SH3GL3: variants seen among roughly 807,000 people sequenced by gnomAD.
The protein encoded by SH3GL3 is SH3 domain containing GRB2 like 3, endophilin A3, also known as endophilin-A3.
In SH3GL3, 33 loss-of-function variants were observed where a neutral mutation model predicts 47.7. That is an observed-to-expected ratio of 0.69 (90% CI 0.52 to 0.92). SH3GL3 has a LOEUF of 0.92. Ranked by LOEUF, SH3GL3 falls within the 40% of genes least tolerant of loss-of-function variation. The probability of loss-of-function intolerance (pLI) is 0.00; values close to 1 mark genes in which losing one functional copy is unlikely to be tolerated. For synonymous variants in SH3GL3, 155 were observed against 148.8 expected, an observed-to-expected ratio of 1.04 and a Z score of -0.30; for missense variants, 363 against 417.8, an observed-to-expected ratio of 0.87 and a Z score of 1.14.
chr15:83,616,841 TGAAAA>T (rs569450544), intron 8 of SH3GL3, among the ~76,000 whole-genome samples: 59 of 149,814 alleles, frequency 3.9e-4, no homozygotes, highest in East Asian at 2.2e-3. Flanking sequence ...AAAGAAGAGA[TGAAAA>T]GAAGAGAAGG....
At chr15:83,496,725 G>A (rs901078162) in intron 1 of SH3GL3, among the ~76,000 whole-genome samples, 2 of 152,184 alleles carry the variant, frequency 1.3e-5, no homozygotes, top group Non-Finnish European at 2.9e-5. Context: ...TGTAGTAGCT[G>A]GCATCATGGC....
chr15:83,460,641 G>A (rs1465082160), intron 1 of SH3GL3, among the ~76,000 whole-genome samples: 5 of 152,170 alleles, frequency 3.3e-5, no homozygotes, highest in African/African-American at 9.7e-5. Flanking sequence ...TAGAAAAACT[G>A]CATCATCTTT....
At chr15:83,560,078 T>A (rs1415786173) in intron 2 of SH3GL3, among the ~76,000 whole-genome samples, 1 of 152,198 alleles carries the variant, frequency 6.6e-6, no homozygotes, top group Non-Finnish European at 1.5e-5. Context: ...TTGCTCATTG[T>A]CTGGGCCCTT....
At chr15:83,568,133 C>T (rs543371993) in intron 3 of SH3GL3, among the ~76,000 whole-genome samples, 1 of 151,932 alleles carries the variant, frequency 6.6e-6, no homozygotes, top group Non-Finnish European at 1.5e-5. Flanking sequence ...CAGGCATGTG[C>T]CACCACGCCC....
At chr15:83,604,320 G>A (rs1217452102) in intron 8 of SH3GL3, among the ~76,000 whole-genome samples, 1 of 152,118 alleles carries the variant, frequency 6.6e-6, no homozygotes, top group Non-Finnish European at 1.5e-5. Flanking sequence ...GCTTGCACCC[G>A]AGTAGTTCTT....
intron 1 of SH3GL3, among the ~76,000 whole-genome samples, chr15:83,482,753 G>C (rs1377167881): frequency 6.6e-6 from 1 of 151,976 alleles, no homozygotes; most frequent in Non-Finnish European, 1.5e-5. Flanking sequence ...CAGCTTCCCA[G>C]AGTGCTGGAA....
Position 83,505,757 on chromosome 15 carries a change from T to A in SH3GL3, c.46-53496T>A, listed in dbSNP as rs1250755802. Among the ~76,000 whole-genome samples, 4 of 152,206 alleles carry A rather than the reference T, an allele frequency of 2.6e-5. 1 individual carries two copies. The highest frequency in any genetic ancestry group is 4.4e-5 in the Non-Finnish European group (3 of 68,032). On this transcript the variant is annotated intron_variant, in intron 1 of 8. Coordinates refer to ENST00000427482, the MANE Select transcript of SH3GL3 (RefSeq NM_003027.5). Reference sequence around the variant, plus strand: ...GTTGGCGAGGCTGGTCACGAACTCCTGACCTCAGGTGATCTGCCTGCCTTG... The same window carrying A: ...GTTGGCGAGGCTGGTCACGAACTCCAGACCTCAGGTGATCTGCCTGCCTTG...
At chr15:83,543,547 A>G (rs562878975) in intron 1 of SH3GL3, among the ~76,000 whole-genome samples, 12 of 151,894 alleles carry the variant, frequency 7.9e-5, no homozygotes, top group East Asian at 1.9e-4. Flanking sequence ...CTCCTCCTCT[A>G]TTTTTTAGTA....
intron 1 of SH3GL3, among the ~76,000 whole-genome samples, chr15:83,516,726 C>A (rs2042993304): frequency 6.6e-6 from 1 of 152,092 alleles, no homozygotes; most frequent in African/African-American, 2.4e-5. Context: ...TCAAACACCT[C>A]CCACCAGGCC....
intron 6 of SH3GL3, among the ~76,000 whole-genome samples, chr15:83,583,832 G>A (rs977676218): frequency 1.3e-5 from 2 of 152,054 alleles, no homozygotes; most frequent in African/African-American, 4.8e-5. Context: ...CAACAATGAA[G>A]TCCCCAGGCC....
chr15:83,571,463 T>C (rs1378084952), intron 4 of SH3GL3, among the ~76,000 whole-genome samples: 2 of 152,142 alleles, frequency 1.3e-5, no homozygotes, highest in African/African-American at 4.8e-5. Context: ...GCTAAGGAAA[T>C]GTAGCTTCCA....
At chr15:83,594,099 A>G (rs1040738909) in intron 8 of SH3GL3, among the ~76,000 whole-genome samples, 1 of 152,228 alleles carries the variant, frequency 6.6e-6, no homozygotes, top group African/African-American at 2.4e-5. Context: ...GATTACAGGC[A>G]TGAGCCACTA....
chr15:83,487,857 ATTTTC>A (rs1567263488), intron 1 of SH3GL3, among the ~76,000 whole-genome samples: 1 of 141,052 alleles, frequency 7.1e-6, no homozygotes, highest in Non-Finnish European at 1.6e-5. Flanking sequence ...TCTTTTTTTA[ATTTTC>A]TTTTCTTTTT....
intron 2 of SH3GL3, among the ~76,000 whole-genome samples, chr15:83,564,239 CA>C (rs973673455): frequency 6.6e-6 from 1 of 150,934 alleles, no homozygotes. Context: ...CAAATTTTAA[CA>C]AAAAAAAGAA....
At chr15:83,623,250 A>AC (rs1290844304), downstream of SH3GL3, among the ~76,000 whole-genome samples, 2 of 152,170 alleles carry the variant, frequency 1.3e-5, no homozygotes, top group South Asian at 2.1e-4. Flanking sequence ...TGTAAAAGCC[A>AC]CCCCCCAAAT....
At chr15:83,621,217 T>C (rs2060914782), downstream of SH3GL3, among the ~76,000 whole-genome samples, 2 of 152,244 alleles carry the variant, frequency 1.3e-5, no homozygotes, top group African/African-American at 4.8e-5. Context: ...TTTCTTTGCA[T>C]TCACGACTTA....
chr15:83,603,773 T>C (rs577660039), intron 8 of SH3GL3, among the ~76,000 whole-genome samples: 31 of 152,288 alleles, frequency 2.0e-4, no homozygotes, highest in Admixed American at 1.6e-3. Flanking sequence ...GAGCTACTGG[T>C]ATATGGTCTG....
At chr15:83,493,011 C>A (rs961486490) in intron 1 of SH3GL3, among the ~76,000 whole-genome samples, 24 of 152,342 alleles carry the variant, frequency 1.6e-4, no homozygotes, top group Non-Finnish European at 2.9e-4. Flanking sequence ...ATTCAAACAA[C>A]CCATCTGCCA....
intron 8 of SH3GL3, among the ~76,000 whole-genome samples, chr15:83,607,879 T>A (rs1230560922): frequency 2.8e-5 from 4 of 140,514 alleles, no homozygotes; most frequent in African/African-American, 1.1e-4. Flanking sequence ...ATAATAATAA[T>A]ACAAACAACA....
Sources: gnomAD v4.1 joint callset for allele counts (sites outside exome capture counted in the v4.1 genomes callset) on GRCh38, gnomAD v4.1.1 for gene constraint, MANE v1.5 for transcripts, NCBI Gene and HGNC (gene_info 2026-07-23, HGNC 2026-07-21) for gene names.